The following CCDC144A variants were observed in gnomAD, a reference collection of about 807,000 sequenced individuals.
CCDC144A encodes the protein coiled-coil domain-containing protein 144A.
Under a neutral mutation model 143.8 loss-of-function variants are expected in CCDC144A, and 41 were observed. That is an observed-to-expected ratio of 0.29 (90% CI 0.22 to 0.37). CCDC144A has a LOEUF of 0.37. Among genes scored for constraint, CCDC144A ranks in the 10% least tolerant of loss-of-function variants. The probability of loss-of-function intolerance (pLI) is 1.00; values close to 1 mark genes in which losing one functional copy is unlikely to be tolerated. For synonymous variants in CCDC144A, 242 were observed against 517.9 expected (o/e 0.47, Z 7.23); for missense variants, 637 against 1,488.8 (o/e 0.43, Z 9.41).
intron 9 of CCDC144A, among the ~76,000 whole-genome samples, chr17:16,730,109 G>C (rs1913670370): frequency 7.6e-6 from 1 of 130,926 alleles, no homozygotes; most frequent in Non-Finnish European, 1.6e-5. Flanking sequence ...AAAGTACCGG[G>C]ATTACAGATG....
At chr17:16,673,117 G>C in the CCDC144A span, among the ~76,000 whole-genome samples, 1 of 152,128 alleles carries the variant, frequency 6.6e-6, no homozygotes, top group Admixed American at 6.5e-5. Context: ...CAATCATTTT[G>C]TGTTGAGGTT....
At chr17:16,712,304 T>C (rs2909508) in intron 6 of CCDC144A, among the ~76,000 whole-genome samples, 27,415 of 151,470 alleles carry the variant, frequency 0.18, 4,124 homozygotes, top group African/African-American at 0.4. Context: ...CCATGTTTTC[T>C]AATCATATTG....
intron 12 of CCDC144A, chr17:16,746,882 T>C (rs1188421964): frequency 7.5e-6 from 5 of 668,596 alleles, no homozygotes; most frequent in East Asian, 2.8e-5. Flanking sequence ...CTCTCCCTTC[T>C]CTCCCTCCCC....
intron 3 of CCDC144A, chr17:16,707,161 A>C: frequency 3.5e-6 from 1 of 284,174 alleles, no homozygotes. Context: ...ACTGCATTCC[A>C]AAATTTTGTT....
chr17:16,769,661 G>T (rs961042160), intron 15 of CCDC144A, among the ~76,000 whole-genome samples: 2 of 152,054 alleles, frequency 1.3e-5, no homozygotes, highest in Non-Finnish European at 2.9e-5. Flanking sequence ...TTGAAAAATG[G>T]GTTCTTTATA....
upstream of CCDC144A, among the ~76,000 whole-genome samples, chr17:16,686,686 C>T (rs1445468418): frequency 2.6e-5 from 4 of 151,254 alleles, no homozygotes; most frequent in Non-Finnish European, 4.4e-5. Context: ...CTCACTCCGT[C>T]GCCCAGGCTG....
chr17:16,667,242 G>GC, the CCDC144A span: 2 of 234,858 alleles, frequency 8.5e-6, no homozygotes, highest in East Asian at 1.6e-4. Context: ...AGAGGCTGAG[G>GC]GGCTGAGGCG....
chr17:16,753,431 T>G (rs1217528825), intron 12 of CCDC144A, among the ~76,000 whole-genome samples: 4 of 115,066 alleles, frequency 3.5e-5, no homozygotes, highest in South Asian at 2.5e-4. Flanking sequence ...TTTTGTAGTT[T>G]TTTTTTTTTT....
At chr17:16,737,463 G>A (rs890318023) in intron 12 of CCDC144A, 3 of 1,265,318 alleles carry the variant, frequency 2.4e-6, no homozygotes, top group South Asian at 1.3e-5. Flanking sequence ...ACCGCGCCCG[G>A]CCAGAGTTAA....
intron 12 of CCDC144A, chr17:16,746,054 C>G: frequency 1.2e-6 from 2 of 1,610,270 alleles, no homozygotes; most frequent in African/African-American, 1.3e-5. Flanking sequence ...CGCTGTGTGA[C>G]GTCTCCTGGG....
chr17:16,742,985 A>G (rs2143282040), intron 12 of CCDC144A, among the ~76,000 whole-genome samples: 1 of 152,130 alleles, frequency 6.6e-6, no homozygotes, highest in East Asian at 1.9e-4. Context: ...AGATGAATAG[A>G]TTTGTAAATA....
chr17:16,726,714 T>C lies in CCDC144A; in HGVS notation c.1892-813T>C, dbSNP rs550944044. Among the ~76,000 whole-genome samples the C allele has an allele frequency of 5.9e-5, 9 of 152,272 alleles. No individual in the cohort carries two copies. In the South Asian group the frequency reaches 1.9e-3, roughly 32 times the overall value. Reference sequence around the variant, plus strand: ...GGGCGGTTTTCTGGCACACATGTGCTGTTTGTTACTCTGCTAGATACTCAG... The same window carrying C: ...GGGCGGTTTTCTGGCACACATGTGCCGTTTGTTACTCTGCTAGATACTCAG... On this transcript the variant is annotated intron_variant, in intron 8 of 16. Coordinates refer to ENST00000399273, the MANE Select transcript of CCDC144A (RefSeq NM_001382000.1).
chr17:16,749,701 C>A (rs2064141523), intron 12 of CCDC144A, among the ~76,000 whole-genome samples: 1 of 152,168 alleles, frequency 6.6e-6, no homozygotes, highest in Non-Finnish European at 1.5e-5. Flanking sequence ...TGAAGATCCC[C>A]ACTGTTATTG....
chr17:16,720,184 T>G lies in CCDC144A; in HGVS notation c.1716-14T>G, dbSNP rs1216370887. On this transcript the variant is annotated splice_polypyrimidine_tract_variant and intron_variant, in intron 6 of 16. Transcript: ENST00000399273. ...TTTGCTATTTTTCTAAAAGGAATTG[T>G]TTTTTTTTTTCAGGCCTGCAGATAA... The G allele has an allele frequency of 8.0e-6, 9 of 1,131,400 alleles. No homozygotes were observed. The highest frequency in any genetic ancestry group is 5.1e-5 in the South Asian group (3 of 58,428). The allele number at this position is 1,131,400 out of a possible 1,614,324, so 70.1% of individuals were successfully genotyped here.
intron 12 of CCDC144A, among the ~76,000 whole-genome samples, chr17:16,751,055 A>G (rs1038139243): frequency 1.3e-5 from 2 of 152,228 alleles, no homozygotes; most frequent in African/African-American, 2.4e-5. Context: ...GTGAGAATTT[A>G]TAGCTGGGGA....
chr17:16,717,635 T>C (rs1912852702), intron 6 of CCDC144A, among the ~76,000 whole-genome samples: 1 of 152,158 alleles, frequency 6.6e-6, no homozygotes, highest in Non-Finnish European at 1.5e-5. Flanking sequence ...TAACTTTCCA[T>C]ATATCAACTC....
At chr17:16,675,016 C>G in the CCDC144A span, among the ~76,000 whole-genome samples, 2 of 120,044 alleles carry the variant, frequency 1.7e-5, no homozygotes, top group Admixed American at 8.7e-5. Context: ...TGCCTGTAAT[C>G]CCAGCACTTT....
At chr17:16,712,175 C>CAAAT (rs541538985) in intron 6 of CCDC144A, 1 of 222,106 alleles carries the variant, frequency 4.5e-6, no homozygotes, top group East Asian at 1.3e-4. Flanking sequence ...AAACAGGAGA[C>CAAAT]ATGTGCTATG....
chr17:16,751,971 G>A lies in CCDC144A; in HGVS notation c.3373-9454G>A, dbSNP rs146427779. Among the ~76,000 whole-genome samples, 874 of 152,344 alleles carry A rather than the reference G, an allele frequency of 5.7e-3. 10 individuals carry two copies. Among genetic ancestry groups the A allele is most frequent in the African/African-American group, 0.02 (827 of 41,580 alleles). ...TGTGCCCAGATCAACTGGACTGTTA[G>A]CTGTTTCAGGCAGTGGTGCTCCCTC... On this transcript the variant is annotated intron_variant, in intron 12 of 16. Transcript: ENST00000399273.
Sources: allele counts gnomAD v4.1 joint callset (sites outside exome capture counted in the v4.1 genomes callset), GRCh38; gene constraint gnomAD v4.1.1; transcripts MANE v1.5; gene names NCBI Gene and HGNC (gene_info 2026-07-23, HGNC 2026-07-21).